The following MAP2 variants were observed in gnomAD, a reference collection of about 807,000 sequenced individuals.
The protein encoded by MAP2 is microtubule associated protein 2.
A neutral mutation model predicts 137.6 loss-of-function variants in MAP2; 14 were observed. That is an observed-to-expected ratio of 0.10 (90% CI 0.07 to 0.16). The LOEUF is 0.16. Among genes scored for constraint, MAP2 ranks in the 10% least tolerant of loss-of-function variants. The probability of loss-of-function intolerance (pLI) is 1.00; values close to 1 mark genes in which losing one functional copy is unlikely to be tolerated. For missense variants in MAP2, 2,088 were observed against 2,191.5 expected, an observed-to-expected ratio of 0.95 and a Z score of 0.94; for synonymous variants, 786 against 782.3, an observed-to-expected ratio of 1.00 and a Z score of -0.08.
At chr2:209,704,731 GT>G in intron 11 of MAP2, 1 of 996,730 alleles carries the variant, frequency 1.0e-6, no homozygotes. Context: ...ACTCTGAAGT[GT>G]TTGACACATA....
At chr2:209,561,397 C>T (rs1057089869) in intron 2 of MAP2, among the ~76,000 whole-genome samples, 3 of 152,090 alleles carry the variant, frequency 2.0e-5, no homozygotes, top group Non-Finnish European at 2.9e-5. Flanking sequence ...CCATTACATA[C>T]GTAGAAAAAT....
intron 2 of MAP2, among the ~76,000 whole-genome samples, chr2:209,515,643 T>G (rs555951798): frequency 6.6e-6 from 1 of 152,022 alleles, no homozygotes; most frequent in South Asian, 2.1e-4. Flanking sequence ...TCCCCTGACA[T>G]GTGGAGATTA....
intron 1 of MAP2, among the ~76,000 whole-genome samples, chr2:209,488,118 C>T (rs550893887): frequency 2.6e-5 from 4 of 152,268 alleles, no homozygotes; most frequent in African/African-American, 9.6e-5. Context: ...AGACAGTGGG[C>T]GCAGCCCATG....
At chr2:209,669,214 C>T (rs901089004) in intron 5 of MAP2, among the ~76,000 whole-genome samples, 4 of 151,984 alleles carry the variant, frequency 2.6e-5, no homozygotes, top group Non-Finnish European at 4.4e-5. Flanking sequence ...TTCTTAGAAA[C>T]GTTATAGGAC....
intron 14 of MAP2, among the ~76,000 whole-genome samples, chr2:209,727,494 G>A (rs930890516): frequency 1.3e-5 from 2 of 152,196 alleles, no homozygotes; most frequent in African/African-American, 4.8e-5. Flanking sequence ...GTCATAAAAG[G>A]CTGTTGTCAT....
chr2:209,551,224 C>A (rs1199221225), intron 2 of MAP2, among the ~76,000 whole-genome samples: 1 of 152,038 alleles, frequency 6.6e-6, no homozygotes, highest in African/African-American at 2.4e-5. Flanking sequence ...TATTGTTAGA[C>A]AGAAATAGAT....
chr2:209,599,475 C>G (rs560904017), intron 3 of MAP2, among the ~76,000 whole-genome samples: 8 of 152,244 alleles, frequency 5.3e-5, no homozygotes, highest in African/African-American at 1.9e-4. Flanking sequence ...GCACCTTCTC[C>G]TTTTAATTAG....
intron 3 of MAP2, among the ~76,000 whole-genome samples, chr2:209,616,100 G>A (rs751257737): frequency 6.6e-5 from 10 of 152,126 alleles, no homozygotes; most frequent in Admixed American, 1.3e-4. Context: ...GTCCTGCTGT[G>A]TATCCTCATT....
intron 2 of MAP2, among the ~76,000 whole-genome samples, chr2:209,513,216 T>C (rs2061983061): frequency 6.6e-6 from 1 of 152,176 alleles, no homozygotes. Context: ...GATTAGCTTC[T>C]TGGTCAACTT....
At chr2:209,722,424 A>G (rs1160781888) in intron 13 of MAP2, among the ~76,000 whole-genome samples, 1 of 152,230 alleles carries the variant, frequency 6.6e-6, no homozygotes, top group African/African-American at 2.4e-5. Context: ...AAGATGTGGT[A>G]ATATTCTTGC....
intron 3 of MAP2, among the ~76,000 whole-genome samples, chr2:209,600,324 C>T (rs1374569841): frequency 6.6e-6 from 1 of 152,218 alleles, no homozygotes; most frequent in East Asian, 1.9e-4. Flanking sequence ...ATTCTTCTCT[C>T]AGGAGAAAAG....
At chr2:209,610,216 G>C (rs991657241) in intron 3 of MAP2, among the ~76,000 whole-genome samples, 15 of 152,008 alleles carry the variant, frequency 9.9e-5, no homozygotes, top group African/African-American at 3.6e-4. Context: ...CACATGCAAA[G>C]GCCCTGGCTA....
At chr2:209,704,425 T>G in intron 11 of MAP2, 1 of 1,587,754 alleles carries the variant, frequency 6.3e-7, no homozygotes, top group South Asian at 1.2e-5. Flanking sequence ...ATTTTGTGCT[T>G]TTGTTTGTTT....
rs75875092 is a variant in MAP2, at chr2:209,702,841, C to T, written c.4584+2503C>T. 8.2e-3 allele frequency among the ~76,000 whole-genome samples: 1,240 copies of T among 152,132 alleles called. 12 individuals carry two copies. Among genetic ancestry groups the T allele is most frequent in the Admixed American group, 0.015 (227 of 15,256 alleles). ...TTGTACAGTCTGTAAATACTTATGT[C>T]CTGTTGTAGCCACAGAGGTTAAAAC... On this transcript the variant is annotated intron_variant, in intron 11 of 15. Coordinates refer to ENST00000682079, the MANE Select transcript of MAP2 (RefSeq NM_001375505.1).
chr2:209,557,695 T>G (rs1039318266), intron 2 of MAP2, among the ~76,000 whole-genome samples: 1 of 152,152 alleles, frequency 6.6e-6, no homozygotes, highest in Non-Finnish European at 1.5e-5. Flanking sequence ...TAGCTTAGAT[T>G]AGGTCCTGTT....
chr2:209,430,716 A>G (rs887810610), intron 1 of MAP2, among the ~76,000 whole-genome samples: 14 of 152,290 alleles, frequency 9.2e-5, no homozygotes, highest in African/African-American at 3.1e-4. Flanking sequence ...ACTTAAATGT[A>G]TCTTTTAAGA....
intron 2 of MAP2, among the ~76,000 whole-genome samples, chr2:209,516,254 T>G (rs1391090246): frequency 6.7e-6 from 1 of 150,062 alleles, no homozygotes; most frequent in Non-Finnish European, 1.5e-5. Context: ...TGGCTTAAAC[T>G]ATAAGATATT....
rs1277698005 is a variant in MAP2 at position 209,520,632 on chromosome 2, G to C, written c.-172+12991G>C. On this transcript the variant is annotated intron_variant, in intron 2 of 15. Coordinates refer to ENST00000682079, the MANE Select transcript of MAP2 (RefSeq NM_001375505.1). Reference sequence around the variant, plus strand: ...TGAAGACCTAATTTCTAATGAAAAGGGTGTGTGTTTAAGGGAAGATTCTTC... The same window carrying C: ...TGAAGACCTAATTTCTAATGAAAAGCGTGTGTGTTTAAGGGAAGATTCTTC... Among the ~76,000 whole-genome samples, 4 of 151,866 alleles carry C rather than the reference G, an allele frequency of 2.6e-5. No homozygotes were observed. In the East Asian group the frequency reaches 5.8e-4, roughly 22 times the overall value.
At chr2:209,508,267 T>C (rs2061310434) in intron 2 of MAP2, among the ~76,000 whole-genome samples, 1 of 150,874 alleles carries the variant, frequency 6.6e-6, no homozygotes, top group Non-Finnish European at 1.5e-5. Flanking sequence ...TTTTTCAACA[T>C]GTATTCAGAT....
Sources: gnomAD v4.1 joint callset for allele counts (sites outside exome capture counted in the v4.1 genomes callset) on GRCh38, gnomAD v4.1.1 for gene constraint, MANE v1.5 for transcripts, NCBI Gene and HGNC (gene_info 2026-07-23, HGNC 2026-07-21) for gene names.